Variants in FMNL2 observed in about 807,000 individuals in gnomAD.
The protein encoded by FMNL2 is formin like 2, also known as formin-like protein 2.
A neutral mutation model predicts 130.2 loss-of-function variants in FMNL2; 51 were observed. The observed-to-expected ratio is 0.39, with a 90% CI of 0.31 to 0.49. The LOEUF (loss-of-function observed/expected upper bound fraction) is 0.49, where lower values mean the gene tolerates loss of function less well. Ranked by LOEUF, FMNL2 falls within the 20% of genes least tolerant of loss-of-function variation. The probability of loss-of-function intolerance (pLI) is 0.85; values close to 1 mark genes in which losing one functional copy is unlikely to be tolerated. For missense variants in FMNL2, 977 were observed against 1,316.2 expected (o/e 0.74, Z 3.99); for synonymous variants, 465 against 467.1 (o/e 1.00, Z 0.06).
intron 9 of FMNL2, among the ~76,000 whole-genome samples, chr2:152,601,829 C>T (rs1458710694): frequency 6.6e-6 from 1 of 151,786 alleles, no homozygotes; most frequent in African/African-American, 2.4e-5. Flanking sequence ...GCCACCATGC[C>T]CAATTAATTT....
intron 1 of FMNL2, among the ~76,000 whole-genome samples, chr2:152,516,646 G>T (rs16831265): frequency 0.14 from 21,868 of 152,128 alleles, 2,005 homozygotes; most frequent in East Asian, 0.37. Context: ...TTCTAAGTAT[G>T]AGCCTTGAGA....
intron 1 of FMNL2, among the ~76,000 whole-genome samples, chr2:152,452,647 G>A (rs1301437796): frequency 6.6e-6 from 1 of 152,170 alleles, no homozygotes; most frequent in African/African-American, 2.4e-5. Context: ...TCTGTGGGAA[G>A]TGAGGGGCTA....
At chr2:152,565,409 G>A (rs1483532614) in intron 6 of FMNL2, among the ~76,000 whole-genome samples, 1 of 152,124 alleles carries the variant, frequency 6.6e-6, no homozygotes, top group Non-Finnish European at 1.5e-5. Flanking sequence ...GTGTGCTAGG[G>A]AATGAGAGAA....
intron 1 of FMNL2, among the ~76,000 whole-genome samples, chr2:152,391,342 G>A (rs1685095931): frequency 6.6e-6 from 1 of 152,190 alleles, no homozygotes; most frequent in Admixed American, 6.5e-5. Flanking sequence ...AACAAACACA[G>A]ATAAAAGACA....
chr2:152,522,749 A>ATT (rs1288204916), intron 2 of FMNL2, among the ~76,000 whole-genome samples: 1 of 152,196 alleles, frequency 6.6e-6, no homozygotes, highest in African/African-American at 2.4e-5. Context: ...TCTCCATTAA[A>ATT]TATCTTTCCT....
chr2:152,407,327 T>C (rs1461484576), intron 1 of FMNL2, among the ~76,000 whole-genome samples: 1 of 152,160 alleles, frequency 6.6e-6, no homozygotes, highest in Non-Finnish European at 1.5e-5. Flanking sequence ...TAGCAGATGC[T>C]ATTTGTTTCC....
intron 9 of FMNL2, among the ~76,000 whole-genome samples, chr2:152,606,627 CTCTTT>C: frequency 1.5e-5 from 1 of 68,792 alleles, no homozygotes; most frequent in Admixed American, 2.3e-4. Context: ...TCTTTTTTGA[CTCTTT>C]TTTTTTTTTT....
In FMNL2 at chr2:152,491,738, G is replaced by A. The variant is rs185719232; in HGVS notation, c.118-30205G>A. ...GGCTGAGGCGAGAGGATCACTTAAG[G>A]TCAGGAGTTTGAGGCCAGCCTGGCC... On this transcript the variant is annotated intron_variant, in intron 1 of 25. Transcript: ENST00000288670. Among the ~76,000 whole-genome samples, 6 of 152,260 alleles carry A rather than the reference G, an allele frequency of 3.9e-5. No homozygotes were observed. The East Asian group carries it at 1.2e-3, about 29-fold the overall frequency.
intron 9 of FMNL2, among the ~76,000 whole-genome samples, chr2:152,603,760 T>C (rs752795614): frequency 1.3e-5 from 2 of 151,142 alleles, no homozygotes; most frequent in African/African-American, 4.8e-5. Context: ...ATTGCACTTA[T>C]GCAGGGGCAG....
chr2:152,587,344 G>A (rs1363165184), intron 9 of FMNL2, among the ~76,000 whole-genome samples: 1 of 152,250 alleles, frequency 6.6e-6, no homozygotes, highest in Admixed American at 6.5e-5. Context: ...TGCAGAACAT[G>A]TGGGGTGGGA....
chr2:152,609,355 A>C (rs1698561519), intron 10 of FMNL2, among the ~76,000 whole-genome samples: 1 of 152,228 alleles, frequency 6.6e-6, no homozygotes, highest in Admixed American at 6.5e-5. Context: ...GCCAGAATCT[A>C]ACCATGTTTT....
rs73968065 is a variant in FMNL2, at chr2:152,552,350, T to C, written c.359+3253T>C. Among the ~76,000 whole-genome samples, 1,228 of 152,276 alleles carry C rather than the reference T, an allele frequency of 8.1e-3. 10 individuals carry two copies. Among genetic ancestry groups the C allele is most frequent in the African/African-American group, 0.025 (1,048 of 41,560 alleles). On this transcript the variant is annotated intron_variant, in intron 4 of 25. Coordinates refer to ENST00000288670, the MANE Select transcript of FMNL2 (RefSeq NM_052905.4). Reference sequence around the variant, plus strand: ...GAATTCCCTAAGGCAGAGAGTATTATCATCTTTATCTAAAATGATCCTGAC... The same window carrying C: ...GAATTCCCTAAGGCAGAGAGTATTACCATCTTTATCTAAAATGATCCTGAC...
At chr2:152,454,702 A>G (rs1688852025) in intron 1 of FMNL2, among the ~76,000 whole-genome samples, 1 of 152,206 alleles carries the variant, frequency 6.6e-6, no homozygotes, top group Non-Finnish European at 1.5e-5. Flanking sequence ...CTCTTCATTA[A>G]GATCAAGGCC....
chr2:152,485,063 A>C (rs952233002), intron 1 of FMNL2, among the ~76,000 whole-genome samples: 1 of 152,216 alleles, frequency 6.6e-6, no homozygotes, highest in African/African-American at 2.4e-5. Flanking sequence ...TCTGTAATTT[A>C]AAAATATTCT....
rs1244936514 is a variant in FMNL2, at chr2:152,611,549, T to G, written c.1006T>G (p.Phe336Val). 3.1e-6 allele frequency: 5 copies of G among 1,603,658 alleles called. No individual in the cohort carries two copies. The highest frequency in any genetic ancestry group is 1.3e-5 in the African/African-American group (1 of 74,960). Residue 336 changes from phenylalanine (F) to valine (V), a missense_variant, in exon 11 of 26, where the codon TTC becomes GTC. Physicochemically the swap from Phe to Val is conservative, Grantham distance 50 (BLOSUM62 -1). This residue lies in a region of FMNL2 where 689 missense variants were observed against 995.9 expected (regional missense o/e 0.69). Coordinates refer to ENST00000288670, the MANE Select transcript of FMNL2 (RefSeq NM_052905.4). ...IVVHSVEDMNFRVHLQYEFTK... is the reference protein window; with the variant it reads ...IVVHSVEDMNVRVHLQYEFTK... ...AGTCCATTCAGTAGAAGATATGAAT[T>G]TCAGAGTTCACCTGCAGTATGAATT...
At chr2:152,577,890 TGA>T (rs1696563431) in intron 7 of FMNL2, among the ~76,000 whole-genome samples, 1 of 152,114 alleles carries the variant, frequency 6.6e-6, no homozygotes, top group Non-Finnish European at 1.5e-5. Flanking sequence ...AGCAGAGAAA[TGA>T]GAGGCAGTGG....
rs890339669 is a variant in FMNL2, at chr2:152,407,422, G to A, written c.117+71702G>A. On this transcript the variant is annotated intron_variant, in intron 1 of 25. Transcript: ENST00000288670. ...GTGTGTCAGTGTCTGCCTTTCTGCC[G>A]ACTCCTGACAGCGCCTCCCTTCAGG... Among the ~76,000 whole-genome samples, 4 of 151,830 alleles carry A rather than the reference G, an allele frequency of 2.6e-5. 1 individual carries two copies. In the South Asian group the frequency reaches 6.3e-4, roughly 24 times the overall value.
chr2:152,544,503 G>A (rs1694510841), intron 3 of FMNL2, among the ~76,000 whole-genome samples: 1 of 152,018 alleles, frequency 6.6e-6, no homozygotes, highest in African/African-American at 2.4e-5. Context: ...CTTTGCAAAG[G>A]GACAGCAAGA....
chr2:152,514,680 T>G lies in FMNL2; in HGVS notation c.118-7263T>G, dbSNP rs115280681. Among the ~76,000 whole-genome samples, 370 of 152,214 alleles carry G rather than the reference T, an allele frequency of 2.4e-3. 2 individuals carry two copies. Among genetic ancestry groups the G allele is most frequent in the Middle Eastern group, 0.01 (3 of 294 alleles). On this transcript the variant is annotated intron_variant, in intron 1 of 25. Coordinates refer to ENST00000288670, the MANE Select transcript of FMNL2 (RefSeq NM_052905.4). ...AGTTTAATTTATAAATTGGGCACAGTGAGAAATTAGCAATAAGTAATCATA... is the reference window on the plus strand; with the variant it reads ...AGTTTAATTTATAAATTGGGCACAGGGAGAAATTAGCAATAAGTAATCATA...
Sources: gnomAD v4.1 joint callset for allele counts (sites outside exome capture counted in the v4.1 genomes callset) on GRCh38, gnomAD v4.1.1 for gene constraint, gnomAD v4.1.1 regional missense constraint, MANE v1.5 for transcripts, NCBI Gene and HGNC (gene_info 2026-07-23, HGNC 2026-07-21) for gene names.